The following ANK2 variants were observed in gnomAD, a reference collection of about 807,000 sequenced individuals.
ANK2 encodes the protein ankyrin 2, also known as ankyrin-2.
Under a neutral mutation model 360.5 loss-of-function variants are expected in ANK2, and 83 were observed. The observed-to-expected ratio is 0.23, with a 90% CI of 0.19 to 0.28. The LOEUF is 0.28. Among genes scored for constraint, ANK2 ranks in the 10% least tolerant of loss-of-function variants. The pLI, the probability that ANK2 is intolerant of heterozygous loss-of-function variation, is 1.00. For missense variants in ANK2, 4,201 were observed against 4,795.7 expected (o/e 0.88, Z 3.66); for synonymous variants, 1,740 against 1,759.5 (o/e 0.99, Z 0.28).
At chr4:113,038,051 TTATGA>T (rs1183434935) in intron 2 of ANK2, among the ~76,000 whole-genome samples, 1 of 152,062 alleles carries the variant, frequency 6.6e-6, no homozygotes, top group African/African-American at 2.4e-5. Context: ...TAGTTCTAAG[TTATGA>T]TATACTTTTG....
the ANK2 span, among the ~76,000 whole-genome samples, chr4:112,708,333 A>G: frequency 3.9e-5 from 6 of 152,330 alleles, no homozygotes; most frequent in Non-Finnish European, 7.4e-5. Context: ...TTTCTGAACC[A>G]TGTAAAAATT....
chr4:112,964,641 C>T (rs1159559708), intron 2 of ANK2, among the ~76,000 whole-genome samples: 1 of 150,946 alleles, frequency 6.6e-6, no homozygotes, highest in African/African-American at 2.4e-5. Flanking sequence ...CACATCTCAG[C>T]TCACTGCAAC....
the ANK2 span, among the ~76,000 whole-genome samples, chr4:112,731,765 A>G: frequency 2.6e-5 from 4 of 152,094 alleles, no homozygotes; most frequent in East Asian, 7.7e-4. Context: ...AGTAACTAAT[A>G]TCTACATGTT....
intron 45 of ANK2, 73 bp from the exon 46 acceptor site, chr4:113,381,384 G>A: frequency 6.5e-7 from 1 of 1,530,016 alleles, no homozygotes; most frequent in Non-Finnish European, 9.1e-7. Context: ...CAGTGTAATG[G>A]TCACCTTCAT....
chr4:113,219,657 T>C (rs362476), intron 4 of ANK2, among the ~76,000 whole-genome samples: 4,243 of 152,262 alleles, frequency 0.028, 96 homozygotes, highest in East Asian at 0.068. Flanking sequence ...TTTAACCTCA[T>C]ACTTGAAAAT....
intron 2 of ANK2, chr4:112,980,319 AG>A (rs1369818076): frequency 6.6e-6 from 1 of 152,410 alleles, no homozygotes; most frequent in African/African-American, 2.4e-5. Flanking sequence ...CTGCAGGTGG[AG>A]GGGCTTACCT....
intron 1 of ANK2, among the ~76,000 whole-genome samples, chr4:113,113,822 T>C (rs1367484440): frequency 2.0e-5 from 3 of 152,140 alleles, no homozygotes; most frequent in Admixed American, 1.3e-4. Flanking sequence ...CTGATACCAA[T>C]TATTTTCCAT....
the ANK2 span, chr4:112,739,077 G>T: frequency 2.4e-5 from 13 of 539,158 alleles, no homozygotes; most frequent in Non-Finnish European, 4.6e-5. Context: ...CAACCCCAAT[G>T]CCAGGCTGTG....
chr4:113,261,514 A>G (rs1292983258), intron 13 of ANK2, among the ~76,000 whole-genome samples: 1 of 152,200 alleles, frequency 6.6e-6, no homozygotes, highest in African/African-American at 2.4e-5. Context: ...GACAATCAAG[A>G]CATGGAAATT....
At chr4:113,319,136 GCAAT>G (rs1212893565) in intron 26 of ANK2, among the ~76,000 whole-genome samples, 1 of 152,068 alleles carries the variant, frequency 6.6e-6, no homozygotes, top group Non-Finnish European at 1.5e-5. Flanking sequence ...GAATTTGAAC[GCAAT>G]CAGTCAGGTT....
chr4:112,742,629 GA>G, the ANK2 span, among the ~76,000 whole-genome samples: 6 of 152,086 alleles, frequency 3.9e-5, no homozygotes, highest in Non-Finnish European at 7.4e-5. Flanking sequence ...AACTAAAACT[GA>G]AGAAAAGTCC....
the ANK2 span, among the ~76,000 whole-genome samples, chr4:112,770,137 C>T: frequency 4.6e-5 from 7 of 152,196 alleles, no homozygotes; most frequent in South Asian, 2.1e-4. Flanking sequence ...CCTTTGCACT[C>T]GTGGGTTCTC....
chr4:112,855,434 G>C (rs773126030), intron 1 of ANK2, among the ~76,000 whole-genome samples: 16 of 152,210 alleles, frequency 1.1e-4, no homozygotes, highest in Non-Finnish European at 1.9e-4. Context: ...ACTGACAACA[G>C]GTTGCATAGG....
chr4:113,225,695 T>C (rs1305098139), intron 4 of ANK2, among the ~76,000 whole-genome samples: 1 of 152,194 alleles, frequency 6.6e-6, no homozygotes, highest in Non-Finnish European at 1.5e-5. Flanking sequence ...AAATGACTTA[T>C]AAATATCAAT....
chr4:113,309,452 T>C, intron 23 of ANK2, among the ~76,000 whole-genome samples: 1 of 152,148 alleles, frequency 6.6e-6, no homozygotes, highest in East Asian at 1.9e-4. Context: ...TAAGGGAGAA[T>C]GTAAAGGACA....
At chr4:112,930,959 A>G (rs569002396) in intron 2 of ANK2, among the ~76,000 whole-genome samples, 2 of 152,080 alleles carry the variant, frequency 1.3e-5, no homozygotes, top group Non-Finnish European at 2.9e-5. Context: ...GCCTCAAGAC[A>G]TTTACATATA....
At chr4:112,799,452 TC>T in the ANK2 span, among the ~76,000 whole-genome samples, 15 of 152,284 alleles carry the variant, frequency 9.9e-5, no homozygotes, top group African/African-American at 3.6e-4. Flanking sequence ...TTACAAGAGT[TC>T]CAACTTTACG....
intron 5 of ANK2, among the ~76,000 whole-genome samples, chr4:113,236,704 C>T (rs1031559694): frequency 3.3e-5 from 5 of 152,096 alleles, no homozygotes; most frequent in African/African-American, 9.7e-5. Flanking sequence ...TTTTATTTTT[C>T]GATTGCAACC....
At chr4:112,947,561 G>T (rs962633366) in intron 2 of ANK2, among the ~76,000 whole-genome samples, 26 of 152,210 alleles carry the variant, frequency 1.7e-4, no homozygotes, top group Non-Finnish European at 1.5e-4. Context: ...ATGAAAATAA[G>T]TGGGTGCAGT....
Sources: allele counts gnomAD v4.1 joint callset (sites outside exome capture counted in the v4.1 genomes callset), GRCh38; gene constraint gnomAD v4.1.1; transcripts MANE v1.5; gene names NCBI Gene and HGNC (gene_info 2026-07-23, HGNC 2026-07-21).